Variants in SOX13 observed in about 807,000 individuals in gnomAD.
SOX13 encodes the protein transcription factor SOX-13.
A neutral mutation model predicts 71.8 loss-of-function variants in SOX13; 28 were observed. The ratio of observed to expected loss-of-function variants is 0.39; its 90% CI spans 0.29 to 0.53. The LOEUF is 0.53. SOX13 is among the 20% of genes least tolerant of loss of function. The pLI is 0.70. For synonymous variants in SOX13, 309 were observed against 317.8 expected (o/e 0.97, Z 0.29); for missense variants, 627 against 810.3 (o/e 0.77, Z 2.75).
intron 1 of SOX13, among the ~76,000 whole-genome samples, chr1:204,094,498 A>G (rs1310269914): frequency 6.6e-6 from 1 of 152,240 alleles, no homozygotes. Context: ...CCCTCGGGTC[A>G]GGACTGCAGG....
chr1:204,084,035 A>G (rs965998280), intron 1 of SOX13, among the ~76,000 whole-genome samples: 1 of 152,178 alleles, frequency 6.6e-6, no homozygotes, highest in East Asian at 1.9e-4. Flanking sequence ...CTCTAAGGGC[A>G]TGTCAGATGG....
intron 7 of SOX13, chr1:204,118,950 T>A (rs1656749767): frequency 6.6e-6 from 1 of 152,112 alleles, no homozygotes. Flanking sequence ...CAGCAGGGGA[T>A]GATACCTGAA....
intron 1 of SOX13, among the ~76,000 whole-genome samples, chr1:204,097,526 T>C (rs542515768): frequency 6.2e-4 from 95 of 152,028 alleles, no homozygotes; most frequent in Admixed American, 2.1e-3. Context: ...ACCCTGTCTC[T>C]ACTAAAAATA....
rs1420491803 is a variant in SOX13, at chr1:204,121,267, G to A, written c.776-633G>A. 1.3e-5 allele frequency among the ~76,000 whole-genome samples: 2 copies of A among 152,116 alleles called. 1 individual carries two copies. Among genetic ancestry groups the A allele is most frequent in the Admixed American group, 1.3e-4 (2 of 15,276 alleles). The stretch of plus-strand genomic sequence containing the variant: ...CTCCCAAAGTGCTGGGATTACAGGC[G>A]TAAGCCACCACGCCTGGCTTCAATT... On this transcript the variant is annotated intron_variant, in intron 7 of 13. Coordinates refer to ENST00000367204, the MANE Select transcript of SOX13 (RefSeq NM_005686.3).
chr1:204,092,870 C>T (rs1053214852), intron 1 of SOX13, among the ~76,000 whole-genome samples: 7 of 151,284 alleles, frequency 4.6e-5, no homozygotes, highest in East Asian at 2.0e-4. Context: ...CTGTGCAGCA[C>T]GGGTCAAGTT....
At chr1:204,103,354 T>G (rs936626538) in intron 1 of SOX13, among the ~76,000 whole-genome samples, 5 of 152,046 alleles carry the variant, frequency 3.3e-5, no homozygotes, top group Non-Finnish European at 5.9e-5. Context: ...CCGAGGAGAG[T>G]GGCCAGGGCA....
intron 4 of SOX13, 139 bp downstream of exon 4, chr1:204,114,744 T>G: frequency 1.5e-6 from 1 of 680,676 alleles, no homozygotes; most frequent in Non-Finnish European, 2.7e-6. Flanking sequence ...GCCTTAGGGG[T>G]CATCACCATC....
Position 204,124,750 on chromosome 1 carries a change from G to T in SOX13, c.1485G>T (p.Pro495=), listed in dbSNP as rs768215298. ...AGTATCCTGACTACAAGTACAAGCC[G>T]CGGCCCAAGCGCACCTGCATCGTGG... The part of the protein sequence containing the change: ...LEKYPDYKYK[P]RPKRTCIVEG... The change falls in exon 13 of 14, where the codon CCG becomes CCT. Residue 495 remains proline, a synonymous_variant. Transcript: ENST00000367204. 1.2e-6 allele frequency: 2 copies of T among 1,609,726 alleles called. No homozygotes were observed. Among genetic ancestry groups the T allele is most frequent in the East Asian group, 2.2e-5 (1 of 44,684 alleles).
At chr1:204,116,472 A>G (rs368814771) in intron 4 of SOX13, 35 bp from the exon 5 acceptor site, 301 of 1,612,946 alleles carry the variant, frequency 1.9e-4, no homozygotes, top group Non-Finnish European at 2.5e-4. Flanking sequence ...GAACAAGTAA[A>G]AAGTCTCAAT....
At chr1:204,108,278 T>C (rs1656511315) in intron 1 of SOX13, among the ~76,000 whole-genome samples, 1 of 152,354 alleles carries the variant, frequency 6.6e-6, no homozygotes, top group South Asian at 2.1e-4. Context: ...TTCTATTCCA[T>C]GTACTAAGCC....
Position 204,088,196 on chromosome 1 carries a change from C to T in SOX13, c.-2+14485C>T, listed in dbSNP as rs1391322697. 2.6e-5 allele frequency among the ~76,000 whole-genome samples: 4 copies of T among 152,194 alleles called. No homozygotes were observed. In the East Asian group the frequency reaches 7.7e-4, roughly 29 times the overall value. On this transcript the variant is annotated intron_variant, in intron 1 of 13. Coordinates refer to ENST00000367204, the MANE Select transcript of SOX13 (RefSeq NM_005686.3). ...TCTCCTCCCTCACTTCCCACCTTGG[C>T]TGTGGACGTAGCCCTGTTTTCTCTT...
chr1:204,116,186 A>G (rs1656689675), intron 4 of SOX13: 1 of 1,307,490 alleles, frequency 7.6e-7, no homozygotes, highest in Non-Finnish European at 9.9e-7. Flanking sequence ...GTCCACCCTG[A>G]CCCTGTGTGG....
intron 1 of SOX13, among the ~76,000 whole-genome samples, chr1:204,099,455 G>T (rs1656317818): frequency 1.4e-5 from 2 of 142,276 alleles, no homozygotes; most frequent in Non-Finnish European, 3.0e-5. Flanking sequence ...TTTGAGACAG[G>T]GTCTCTGTAG....
At position 204,110,197 on chromosome 1, in the gene SOX13, A is replaced by T. The variant is rs1013519738; in HGVS notation, c.-1-2718A>T. On this transcript the variant is annotated intron_variant, in intron 1 of 13. Coordinates refer to ENST00000367204, the MANE Select transcript of SOX13 (RefSeq NM_005686.3). ...TTGACAGAGTGGAGTGCAGTGGCTT[A>T]ATCTTGGCAGCTTCAAACTGCTGGC... is the stretch of plus-strand genomic sequence containing the variant. Among the ~76,000 whole-genome samples the T allele has an allele frequency of 2.8e-4, 42 of 150,718 alleles. 1 individual carries two copies. Among genetic ancestry groups the T allele is most frequent in the Non-Finnish European group, 2.4e-4 (16 of 67,712 alleles).
intron 1 of SOX13, among the ~76,000 whole-genome samples, chr1:204,091,340 T>C (rs930714725): frequency 6.6e-6 from 1 of 152,196 alleles, no homozygotes; most frequent in African/African-American, 2.4e-5. Context: ...ATATCCAGCA[T>C]GTGCAGTTTC....
chr1:204,089,322 C>T (rs1178029214), intron 1 of SOX13, among the ~76,000 whole-genome samples: 1 of 152,166 alleles, frequency 6.6e-6, no homozygotes, highest in East Asian at 1.9e-4. Context: ...GGAGGCACTC[C>T]TCTGGACAGC....
chr1:204,124,743 ACAAGCCGCGGCC>A lies in SOX13; in HGVS notation c.1484_1495del (p.Pro495_Lys498del). ...CTGGAGAAGTATCCTGACTACAAGTACAAGCCGCGGCCCAAGCGCACCTGCATCGTGGAGGGC... is the reference window on the plus strand; with the variant it reads ...CTGGAGAAGTATCCTGACTACAAGTACAAGCGCACCTGCATCGTGGAGGGC... On this transcript the variant is annotated inframe_deletion, in exon 13 of 14. Coordinates refer to ENST00000367204, the MANE Select transcript of SOX13 (RefSeq NM_005686.3). The A allele has an allele frequency of 6.2e-7, 1 of 1,611,262 alleles. No homozygotes were observed. The highest frequency in any genetic ancestry group is 8.5e-7 in the Non-Finnish European group (1 of 1,178,908).
At chr1:204,080,661 G>T (rs942556304) in intron 1 of SOX13, among the ~76,000 whole-genome samples, 3 of 152,236 alleles carry the variant, frequency 2.0e-5, no homozygotes, top group East Asian at 1.9e-4. Flanking sequence ...CCCAACAAAG[G>T]GGGTGAGGAA....
In SOX13 at chr1:204,126,521, G is replaced by T; in HGVS notation, c.*387G>T. On this transcript the variant is annotated 3_prime_UTR_variant, in exon 14 of 14. Transcript: ENST00000367204. The stretch of plus-strand genomic sequence containing the variant: ...TCTTGTCCTGGCTGGACCAGCCACT[G>T]TGGGACCAACACCCCTCCCACACTC... The T allele has an allele frequency of 3.9e-6, 1 of 254,998 alleles. No homozygotes were observed. Among genetic ancestry groups the T allele is most frequent in the Non-Finnish European group, 7.6e-6 (1 of 130,808 alleles). The allele number at this position is 254,998 out of a possible 1,614,324, so 15.8% of individuals were successfully genotyped here.
Sources: allele counts gnomAD v4.1 joint callset (sites outside exome capture counted in the v4.1 genomes callset), GRCh38; gene constraint gnomAD v4.1.1; transcripts MANE v1.5; gene names NCBI Gene and HGNC (gene_info 2026-07-23, HGNC 2026-07-21).